Variants in NGLY1 observed in about 807,000 individuals in gnomAD.
NGLY1 encodes N-glycanase 1, also known as peptide-N(4)-(N-acetyl-beta-glucosaminyl)asparagine amidase.
NGLY1 carries 68 observed loss-of-function variants against 84.6 expected under a neutral mutation model. That is an observed-to-expected ratio of 0.80 (90% CI 0.66 to 0.98). NGLY1 has a LOEUF of 0.98. Among genes scored for constraint, NGLY1 ranks in the 50% least tolerant of loss-of-function variants. The probability of loss-of-function intolerance (pLI) is 0.00; values close to 1 mark genes in which losing one functional copy is unlikely to be tolerated. For missense variants in NGLY1, 779 were observed against 770.2 expected (o/e 1.01, Z -0.14); for synonymous variants, 280 against 275.2 (o/e 1.02, Z -0.17).
In NGLY1 at chr3:25,739,818, A is replaced by T. The variant is rs1432117514; in HGVS notation, c.659-19T>A. The T allele has an allele frequency of 6.3e-7, 1 of 1,590,792 alleles. No homozygotes were observed. Among genetic ancestry groups the T allele is most frequent in the Non-Finnish European group, 8.6e-7 (1 of 1,162,012 alleles). On this transcript the variant is annotated intron_variant, in intron 4 of 11. Coordinates refer to ENST00000280700, the MANE Select transcript of NGLY1 (RefSeq NM_018297.4). ...TTGATACCTGAGAAATTAAGGGAGGACCAAGTAAGAGCTAAAACTGACAAA... is the reference window on the plus strand; with the variant it reads ...TTGATACCTGAGAAATTAAGGGAGGTCCAAGTAAGAGCTAAAACTGACAAA...
In NGLY1 at chr3:25,732,444, G is replaced by C. The variant is rs761035118; in HGVS notation, c.1300C>G (p.Leu434Val). Reference protein sequence around the residue: ...FLSENRRKELLQRIIVELVEF... With the variant: ...FLSENRRKELVQRIIVELVEF... ...ACAAGCTCCACAATTATCCTCTGGA[G>C]AAGTTCTTTCCTTCTGTTTTCTGAC... Residue 434 changes from leucine (L) to valine (V), a missense_variant, in exon 9 of 12, where the codon CTC (leucine) becomes GTC (valine). Leu to Val is a conservative substitution (Grantham distance 32). Transcript: ENST00000280700. The C allele has an allele frequency of 4.1e-5, 66 of 1,613,458 alleles. No homozygotes were observed. In the Admixed American group the frequency reaches 1.1e-3, roughly 27 times the overall value.
intron 2 of NGLY1, 116 bp downstream of exon 2, chr3:25,778,458 C>T (rs577129436): frequency 2.3e-4 from 120 of 526,816 alleles, no homozygotes; most frequent in African/African-American, 2.0e-3. Context: ...ACTACTTCTA[C>T]TGATTCCCAA....
chr3:25,739,988 A>G (rs930452100), intron 4 of NGLY1, among the ~76,000 whole-genome samples, 189 bp from the exon 5 acceptor site: 1 of 152,234 alleles, frequency 6.6e-6, no homozygotes, highest in African/African-American at 2.4e-5. Context: ...GACAAGTATA[A>G]CTGCACATTA....
intron 2 of NGLY1, among the ~76,000 whole-genome samples, chr3:25,767,094 T>C (rs2932009): frequency 0.76 from 114,841 of 151,892 alleles, 44,654 homozygotes; most frequent in East Asian, 0.94. Context: ...GAGTTTGAGA[T>C]CAGCCTGACC....
In NGLY1 at chr3:25,735,920, G is replaced by A. The variant is rs531239040; in HGVS notation, c.1149+84C>T. The stretch of plus-strand genomic sequence containing the variant: ...TTTAAATATATGCAGGTTATTGTAT[G>A]TTAATTATACATTCATGAAGCTGTC... On this transcript the variant is annotated intron_variant, in intron 7 of 11. Transcript: ENST00000280700. 1.3e-5 allele frequency: 16 copies of A among 1,191,990 alleles called. No individual in the cohort carries two copies. The East Asian group carries it at 3.8e-4, about 29-fold the overall frequency. The allele number at this position is 1,191,990 out of a possible 1,614,324, so 73.8% of individuals were successfully genotyped here. A position where few individuals can be genotyped will look rare whatever the true frequency, so the allele number is the denominator to read the frequency against.
intron 10 of NGLY1, 52 bp downstream of exon 10, chr3:25,729,081 T>C (rs964806905): frequency 1.8e-5 from 22 of 1,200,164 alleles, no homozygotes; most frequent in Admixed American, 2.9e-5. Flanking sequence ...AGCCAATCTA[T>C]ATTTGTTTAA....
exon 1 of NGLY1, chr3:25,790,019 G>T (rs757901930): frequency 3.3e-6 from 3 of 909,968 alleles, no homozygotes; most frequent in Admixed American, 2.1e-5. Context: ...AGAGTCGAAC[G>T]GGACGCGTGC....
intron 3 of NGLY1, chr3:25,755,487 C>T (rs1020650226): frequency 6.9e-7 from 1 of 1,457,270 alleles, no homozygotes; most frequent in East Asian, 2.3e-5. Context: ...GCAGATTCCA[C>T]CTTCTCGGTC....
chr3:25,722,668 A>T (rs1705062108), intron 10 of NGLY1, among the ~76,000 whole-genome samples: 1 of 152,208 alleles, frequency 6.6e-6, no homozygotes. Flanking sequence ...TAGATGTGGA[A>T]CTGTCAATTG....
At chr3:25,730,345 G>A (rs1228203985) in intron 9 of NGLY1, 2 of 151,888 alleles carry the variant, frequency 1.3e-5, no homozygotes, top group Non-Finnish European at 2.9e-5. Flanking sequence ...AGGAAAAAAT[G>A]ATTTCTTTTT....
At chr3:25,733,751 A>C in intron 8 of NGLY1, 121 bp downstream of exon 8, 3 of 489,250 alleles carry the variant, frequency 6.1e-6, no homozygotes, top group Non-Finnish European at 6.7e-6. Context: ...AAGAATATTA[A>C]AATATTCTTG....
At chr3:25,719,704 TG>T (rs1383964908) in intron 11 of NGLY1, 69 bp from the exon 12 acceptor site, 1 of 1,285,376 alleles carries the variant, frequency 7.8e-7, no homozygotes, top group Non-Finnish European at 1.1e-6. Flanking sequence ...CATTTTGAAA[TG>T]TATTTTATAT....
At position 25,750,962 on chromosome 3, in the gene NGLY1, G is replaced by C. The variant is rs1706711648; in HGVS notation, c.658+136C>G. ...TTTGCATCCTGTGAATCCACGTTTG[G>C]TTTAAAAGAATCCACATATAAGTGG... On this transcript the variant is annotated intron_variant, in intron 4 of 11. Transcript: ENST00000280700. 1.1e-5 allele frequency: 9 copies of C among 830,114 alleles called. No individual in the cohort carries two copies. The Admixed American group carries it at 2.9e-4, about 27-fold the overall frequency. 51.4% of individuals were successfully genotyped at this position (830,114 alleles called of 1,614,324 possible).
intron 1 of NGLY1, among the ~76,000 whole-genome samples, chr3:25,779,600 GC>G (rs112034500): frequency 0.092 from 14,009 of 152,182 alleles, 1,483 homozygotes; most frequent in African/African-American, 0.26. Context: ...GAAGCCACCT[GC>G]CCTGGGGTAT....
At chr3:25,724,280 T>C (rs536236777) in intron 10 of NGLY1, among the ~76,000 whole-genome samples, 44 of 152,206 alleles carry the variant, frequency 2.9e-4, no homozygotes, top group Non-Finnish European at 4.3e-4. Context: ...TCAAGTTCAG[T>C]TCACCATACA....
intron 10 of NGLY1, among the ~76,000 whole-genome samples, chr3:25,725,647 C>G (rs968884083): frequency 3.9e-5 from 6 of 152,116 alleles, no homozygotes; most frequent in African/African-American, 1.2e-4. Context: ...AGAGGTCACT[C>G]AGCTGGTTCT....
At chr3:25,771,745 T>C (rs1575659133) in intron 2 of NGLY1, among the ~76,000 whole-genome samples, 1 of 152,244 alleles carries the variant, frequency 6.6e-6, no homozygotes, top group East Asian at 1.9e-4. Flanking sequence ...AGGTCTTTCA[T>C]GTGGTTGGTT....
At chr3:25,725,711 G>A (rs1426954425) in intron 10 of NGLY1, among the ~76,000 whole-genome samples, 1 of 151,894 alleles carries the variant, frequency 6.6e-6, no homozygotes, top group East Asian at 1.9e-4. Context: ...CCACATATTT[G>A]GTCAGAGGTC....
chr3:25,742,807 C>T (rs1002144860), intron 4 of NGLY1, among the ~76,000 whole-genome samples: 1 of 138,722 alleles, frequency 7.2e-6, no homozygotes, highest in Non-Finnish European at 1.5e-5. Context: ...GGCTCCCCGT[C>T]GTAGGCTAAA....
Sources: gnomAD v4.1 joint callset for allele counts (sites outside exome capture counted in the v4.1 genomes callset) on GRCh38, gnomAD v4.1.1 for gene constraint, MANE v1.5 for transcripts, NCBI Gene and HGNC (gene_info 2026-07-23, HGNC 2026-07-21) for gene names.